ANO1: variants seen among roughly 807,000 people sequenced by gnomAD.
The protein encoded by ANO1 is anoctamin 1.
In ANO1, 59 loss-of-function variants were observed where a neutral mutation model predicts 124.0. That is an observed-to-expected ratio of 0.48 (90% CI 0.39 to 0.59). ANO1 has a LOEUF of 0.59. ANO1 is among the 20% of genes least tolerant of loss of function. The probability of loss-of-function intolerance (pLI) is 0.00; values close to 1 mark genes in which losing one functional copy is unlikely to be tolerated. For synonymous variants in ANO1, 529 were observed against 532.0 expected (o/e 0.99, Z 0.08); for missense variants, 1,059 against 1,328.0 (o/e 0.80, Z 3.15).
chr11:70,177,539 C>T (rs922730658), intron 22 of ANO1, among the ~76,000 whole-genome samples: 1 of 151,910 alleles, frequency 6.6e-6, no homozygotes, highest in African/African-American at 2.4e-5. Flanking sequence ...AGGAGACGCA[C>T]CAGCCAGCCA....
intron 2 of ANO1, among the ~76,000 whole-genome samples, chr11:70,091,675 G>A (rs1290330831): frequency 6.6e-6 from 1 of 152,218 alleles, no homozygotes; most frequent in Non-Finnish European, 1.5e-5. Context: ...CTGTGGCCAG[G>A]ACTGTGCAGC....
chr11:70,167,448 G>T, intron 21 of ANO1, 61 bp downstream of exon 21: 1 of 1,552,352 alleles, frequency 6.4e-7, no homozygotes, highest in African/African-American at 1.4e-5. Context: ...CATGCCACCT[G>T]GAGTGGGGAA....
chr11:69,969,083 T>C, the ANO1 span, among the ~76,000 whole-genome samples: 522 of 152,330 alleles, frequency 3.4e-3, 1 homozygote, highest in African/African-American at 0.012. Flanking sequence ...TGGTCTTTCT[T>C]GGTGGCTGCT....
chr11:70,045,264 C>T (rs1420860309), intron 1 of ANO1, among the ~76,000 whole-genome samples: 5 of 152,140 alleles, frequency 3.3e-5, no homozygotes, highest in Non-Finnish European at 5.9e-5. Context: ...CAAAAACATA[C>T]GTGACATACA....
At chr11:70,009,647 G>A (rs1261947699) in intron 1 of ANO1, among the ~76,000 whole-genome samples, 3 of 152,134 alleles carry the variant, frequency 2.0e-5, no homozygotes, top group Admixed American at 2.0e-4. Context: ...TCAATGGTTG[G>A]GAAGGTCAAG....
chr11:70,018,429 G>A (rs1250326924), intron 1 of ANO1: 1 of 152,296 alleles, frequency 6.6e-6, no homozygotes, highest in African/African-American at 2.4e-5. Flanking sequence ...GCCCTTTGTG[G>A]GCAGGTGGGC....
chr11:69,977,045 T>C, the ANO1 span, among the ~76,000 whole-genome samples: 2 of 152,176 alleles, frequency 1.3e-5, no homozygotes. Context: ...TGATGCACAC[T>C]CACTCTCTTC....
intron 8 of ANO1, among the ~76,000 whole-genome samples, chr11:70,117,100 C>CTTTTTTTTTTTTTTTTTTTTTTTTTTT (rs756764991): frequency 4.9e-5 from 3 of 61,550 alleles, no homozygotes; most frequent in African/African-American, 1.3e-4. Context: ...TTGTTTCTTT[C>CTTTTTTTTTTTTTTTTTTTTTTTTTTT]TTTTTTTTTT....
At chr11:70,129,989 G>T (rs1201352035) in intron 10 of ANO1, among the ~76,000 whole-genome samples, 1 of 152,196 alleles carries the variant, frequency 6.6e-6, no homozygotes, top group Non-Finnish European at 1.5e-5. Context: ...GAATGCCCAT[G>T]ATGCTGGGCA....
At chr11:70,058,717 A>G (rs1449248919) in intron 1 of ANO1, among the ~76,000 whole-genome samples, 1 of 152,236 alleles carries the variant, frequency 6.6e-6, no homozygotes, top group Non-Finnish European at 1.5e-5. Flanking sequence ...GGCAAGAAGT[A>G]AAAGTACTGT....
chr11:70,013,343 T>C (rs947416931), intron 1 of ANO1, among the ~76,000 whole-genome samples: 2 of 152,086 alleles, frequency 1.3e-5, no homozygotes, highest in African/African-American at 4.8e-5. Flanking sequence ...GACAAGAAGC[T>C]AGGGGAAGAT....
In ANO1 at chr11:70,176,123, G is replaced by A. The variant is rs113455218; in HGVS notation, c.2351-3881G>A. ...TTGGTCCAGAAAGGCGGGACAGGGC[G>A]ACTTCCAGATTATGGGTATATATAT... is the stretch of plus-strand genomic sequence containing the variant. On this transcript the variant is annotated intron_variant, in intron 22 of 25. Coordinates refer to ENST00000355303, the MANE Select transcript of ANO1 (RefSeq NM_018043.7). Among the ~76,000 whole-genome samples, 99 of 149,870 alleles carry A rather than the reference G, an allele frequency of 6.6e-4. 1 individual carries two copies. Among genetic ancestry groups the A allele is most frequent in the African/African-American group, 1.9e-3 (76 of 40,586 alleles).
chr11:70,000,509 T>C (rs1856362728), intron 1 of ANO1, among the ~76,000 whole-genome samples: 2 of 152,048 alleles, frequency 1.3e-5, no homozygotes, highest in Non-Finnish European at 2.9e-5. Context: ...TCAAAGCGCA[T>C]GAGATACCGA....
At chr11:69,968,286 C>A in the ANO1 span, among the ~76,000 whole-genome samples, 3 of 152,248 alleles carry the variant, frequency 2.0e-5, no homozygotes, top group South Asian at 6.2e-4. Context: ...GGGTGGGGAG[C>A]TGCCTTCCCA....
chr11:70,186,363 G>GAAGGAAGGAAGGAAGA, intron 25 of ANO1, among the ~76,000 whole-genome samples: 1 of 121,186 alleles, frequency 8.3e-6, no homozygotes, highest in Non-Finnish European at 2.0e-5. Flanking sequence ...AGGAAGGAAG[G>GAAGGAAGGAAGGAAGA]AAGGAAGGAA....
chr11:70,179,442 G>A (rs556957869), intron 22 of ANO1, among the ~76,000 whole-genome samples: 2 of 152,300 alleles, frequency 1.3e-5, no homozygotes, highest in South Asian at 2.1e-4. Flanking sequence ...TGGGCGCTGT[G>A]TTGTGATCCT....
intron 8 of ANO1, among the ~76,000 whole-genome samples, chr11:70,121,597 G>T (rs12807045): frequency 0.023 from 2,155 of 92,212 alleles, 79 homozygotes; most frequent in Middle Eastern, 0.057. Context: ...CTCTCCATCT[G>T]CCTCTGTCTC....
intron 1 of ANO1, among the ~76,000 whole-genome samples, chr11:70,024,695 A>G (rs149637753): frequency 6.6e-6 from 1 of 152,146 alleles, no homozygotes; most frequent in East Asian, 1.9e-4. Context: ...CTTCGCCACC[A>G]CCACCACTCT....
chr11:70,047,071 ACT>A (rs1290190225), intron 1 of ANO1, among the ~76,000 whole-genome samples: 15 of 116,896 alleles, frequency 1.3e-4, no homozygotes, highest in African/African-American at 5.1e-4. Context: ...CAAGAGCGAG[ACT>A]CTGTCTCAAA....
Sources: gnomAD v4.1 joint callset for allele counts (sites outside exome capture counted in the v4.1 genomes callset) on GRCh38, gnomAD v4.1.1 for gene constraint, MANE v1.5 for transcripts, NCBI Gene and HGNC (gene_info 2026-07-23, HGNC 2026-07-21) for gene names.